Variants in LPP observed in about 807,000 individuals in gnomAD.
The protein encoded by LPP is lipoma-preferred partner.
LPP carries 38 observed loss-of-function variants against 60.4 expected under a neutral mutation model. The ratio of observed to expected loss-of-function variants is 0.63; its 90% confidence interval spans 0.49 to 0.83. LPP has a LOEUF of 0.83. Ranked by LOEUF, LPP falls within the 40% of genes least tolerant of loss-of-function variation. LPP has a pLI of 0.00. For missense variants in LPP, 902 were observed against 783.6 expected (o/e 1.15, Z -1.80); for synonymous variants, 328 against 290.8 (o/e 1.13, Z -1.30).
rs61366207 is a variant in LPP at position 188,613,261 on chromosome 3, CCTATATCTATAT to C, written c.1113+3460_1113+3471del. 5.5e-3 allele frequency among the ~76,000 whole-genome samples: 649 copies of C among 117,344 alleles called. 9 individuals carry two copies. Among genetic ancestry groups the C allele is most frequent in the African/African-American group, 0.017 (544 of 32,954 alleles). The allele number at this position is 117,344 out of a possible 152,430, so 77.0% of individuals were successfully genotyped here. ...TGCATTTTATATATCTATATCTATA[CCTATATCTATAT>C]CTATATCTATATCTATATCTATATC... On this transcript the variant is annotated intron_variant, in intron 7 of 11. Transcript: ENST00000617246.
chr3:188,524,765 C>G lies in LPP; in HGVS notation c.407C>G (p.Pro136Arg), dbSNP rs973298914. 3.7e-6 allele frequency: 6 copies of G among 1,613,850 alleles called. No homozygotes were observed. In the African/African-American group the frequency reaches 5.3e-5, roughly 14 times the overall value. The part of the protein sequence containing the change: ...SILADLECSS[P>R]YKPRPPQSST... ...TTGGCTGACCTTGAGTGCAGCTCCC[C>G]CTATAAGCCTCGGCCTCCACAGGTT... is the stretch of plus-strand genomic sequence containing the variant. The change falls in exon 6 of 12, where the codon CCC becomes CGC. Residue 136 changes from proline to arginine, a missense_variant. Pro to Arg is a moderately radical substitution (Grantham distance 103). Coordinates refer to ENST00000617246, the MANE Select transcript of LPP (RefSeq NM_001375462.1).
At chr3:188,361,267 A>C (rs1769220081) in intron 3 of LPP, among the ~76,000 whole-genome samples, 1 of 152,190 alleles carries the variant, frequency 6.6e-6, no homozygotes, top group East Asian at 1.9e-4. Flanking sequence ...TCTCATGTAC[A>C]CTTGAAAAGA....
At chr3:188,703,902 G>T (rs1230822035) in intron 7 of LPP, among the ~76,000 whole-genome samples, 2 of 152,158 alleles carry the variant, frequency 1.3e-5, no homozygotes, top group African/African-American at 2.4e-5. Flanking sequence ...CGGCCTTCTT[G>T]CTGCCTTGTC....
At chr3:188,581,874 A>G (rs1468667402) in intron 6 of LPP, among the ~76,000 whole-genome samples, 1 of 151,796 alleles carries the variant, frequency 6.6e-6, no homozygotes, top group South Asian at 2.1e-4. Flanking sequence ...AGTCTCTTAT[A>G]TTTCCTTTAT....
rs535708111 is a variant in LPP, at chr3:188,456,728, G to A, written c.194-27864G>A. Among the ~76,000 whole-genome samples the A allele has an allele frequency of 4.6e-5, 7 of 152,218 alleles. No individual in the cohort carries two copies. In the South Asian group the frequency reaches 1.4e-3, roughly 32 times the overall value. ...GAGCAAATAAGTCAGCTAAACAAAT[G>A]GAGCTGAGGCATTAGAAAACGCCTG... is the stretch of plus-strand genomic sequence containing the variant. On this transcript the variant is annotated intron_variant, in intron 4 of 11. Transcript: ENST00000617246.
In LPP at chr3:188,275,241, T is replaced by A. The variant is rs1739236898; in HGVS notation, c.-67+49714T>A. ...GATTCTCTGTTTCCACAGAGAGGCT[T>A]TTCTGCTTTAGGGTTTCATTGATGG... On this transcript the variant is annotated intron_variant, in intron 2 of 11. Coordinates refer to ENST00000617246, the MANE Select transcript of LPP (RefSeq NM_001375462.1). 5.9e-5 allele frequency among the ~76,000 whole-genome samples: 9 copies of A among 152,204 alleles called. No individual in the cohort carries two copies. In the South Asian group the frequency reaches 1.9e-3, roughly 31 times the overall value.
chr3:188,837,937 A>G (rs970483937), intron 9 of LPP, among the ~76,000 whole-genome samples: 2 of 150,996 alleles, frequency 1.3e-5, no homozygotes, highest in Non-Finnish European at 3.0e-5. Flanking sequence ...TAGAAACCTC[A>G]TCTCTCTATC....
chr3:188,357,637 A>G (rs552711132), intron 3 of LPP, among the ~76,000 whole-genome samples: 2 of 152,320 alleles, frequency 1.3e-5, no homozygotes, highest in Admixed American at 1.3e-4. Flanking sequence ...TTCCTTGTTC[A>G]TTCTCTGAAG....
At chr3:188,673,514 A>G (rs1468030429) in intron 7 of LPP, among the ~76,000 whole-genome samples, 1 of 152,158 alleles carries the variant, frequency 6.6e-6, no homozygotes, top group East Asian at 1.9e-4. Flanking sequence ...CATCAATCAT[A>G]ATTAGGCTCA....
intron 6 of LPP, among the ~76,000 whole-genome samples, chr3:188,581,442 T>C (rs900919996): frequency 6.6e-6 from 1 of 152,226 alleles, no homozygotes; most frequent in South Asian, 2.1e-4. Context: ...TCTTGCATTC[T>C]TAACTTGCAA....
At chr3:188,333,882 T>A (rs1199613862) in intron 2 of LPP, among the ~76,000 whole-genome samples, 1 of 152,194 alleles carries the variant, frequency 6.6e-6, no homozygotes, top group Non-Finnish European at 1.5e-5. Flanking sequence ...GTTTGGAACA[T>A]TCAAAAGCCA....
chr3:188,812,430 G>T (rs1751257315), intron 9 of LPP, among the ~76,000 whole-genome samples: 2 of 152,206 alleles, frequency 1.3e-5, no homozygotes, highest in South Asian at 4.1e-4. Context: ...TTTTAATGAT[G>T]AATGTAATCA....
chr3:188,588,672 T>G (rs975790797), intron 6 of LPP, among the ~76,000 whole-genome samples: 3 of 152,240 alleles, frequency 2.0e-5, no homozygotes, highest in African/African-American at 7.2e-5. Flanking sequence ...TAAGGACTAG[T>G]AGATTGTATG....
chr3:188,790,020 A>G (rs1258761124), intron 9 of LPP, among the ~76,000 whole-genome samples: 1 of 152,180 alleles, frequency 6.6e-6, no homozygotes, highest in Non-Finnish European at 1.5e-5. Context: ...TCAAAATTTT[A>G]GGTGTGCACT....
chr3:188,720,720 G>C (rs537844943), intron 8 of LPP, among the ~76,000 whole-genome samples: 5 of 151,890 alleles, frequency 3.3e-5, no homozygotes, highest in Admixed American at 6.5e-5. Flanking sequence ...AATTCTTCCA[G>C]ATTTCCTATA....
intron 2 of LPP, among the ~76,000 whole-genome samples, chr3:188,286,119 T>G (rs979324922): frequency 6.6e-6 from 1 of 152,188 alleles, no homozygotes; most frequent in African/African-American, 2.4e-5. Context: ...TCTGTGCCCG[T>G]CCTTGTCACA....
intron 9 of LPP, among the ~76,000 whole-genome samples, chr3:188,811,066 A>G (rs1412762873): frequency 6.6e-6 from 1 of 152,072 alleles, no homozygotes; most frequent in Non-Finnish European, 1.5e-5. Flanking sequence ...TACATACGAC[A>G]CACACACATG....
chr3:188,543,853 G>A (rs569918846), intron 6 of LPP, among the ~76,000 whole-genome samples: 1 of 152,184 alleles, frequency 6.6e-6, no homozygotes, highest in Non-Finnish European at 1.5e-5. Context: ...AAGAATACTA[G>A]GGGGAATCTT....
intron 5 of LPP, among the ~76,000 whole-genome samples, chr3:188,509,498 A>G (rs1199962267): frequency 6.6e-6 from 1 of 152,198 alleles, no homozygotes; most frequent in African/African-American, 2.4e-5. Flanking sequence ...TTTGCAGTTG[A>G]CAGTAGAGAC....
Sources: allele counts gnomAD v4.1 joint callset (sites outside exome capture counted in the v4.1 genomes callset), GRCh38; gene constraint gnomAD v4.1.1; transcripts MANE v1.5; gene names NCBI Gene and HGNC (gene_info 2026-07-23, HGNC 2026-07-21).